The following JCAD variants were observed in gnomAD, a reference collection of about 807,000 sequenced individuals.
JCAD encodes the protein junctional cadherin 5 associated.
In JCAD, 40 loss-of-function variants were observed where a neutral mutation model predicts 98.0. The observed-to-expected ratio is 0.41, with a 90% CI of 0.32 to 0.53. JCAD has a LOEUF of 0.53. Ranked by LOEUF, JCAD falls within the 20% of genes least tolerant of loss-of-function variation. JCAD has a pLI of 0.31. For synonymous variants in JCAD, 691 were observed against 682.3 expected (o/e 1.01, Z -0.20); for missense variants, 1,705 against 1,738.1 (o/e 0.98, Z 0.34).
chr10:30,019,240 C>A (rs1836604505), intron 3 of JCAD, among the ~76,000 whole-genome samples: 1 of 151,586 alleles, frequency 6.6e-6, no homozygotes, highest in Admixed American at 6.6e-5. Context: ...GCCTGTAATC[C>A]CAGCTACTCG....
chr10:30,063,152 G>GAAAA (rs34177789), upstream of JCAD, among the ~76,000 whole-genome samples: 13 of 145,794 alleles, frequency 8.9e-5, no homozygotes, highest in Non-Finnish European at 6.0e-5. Context: ...TTAAACACAG[G>GAAAA]AAAAAAAAAA....
chr10:30,107,898 TA>T (rs1007443027), intron 1 of JCAD, among the ~76,000 whole-genome samples: 11 of 151,190 alleles, frequency 7.3e-5, no homozygotes, highest in African/African-American at 2.2e-4. Flanking sequence ...CCTTAAAACT[TA>T]AAAAAAAATG....
At chr10:30,061,265 G>T (rs1045039854), upstream of JCAD, among the ~76,000 whole-genome samples, 1 of 152,126 alleles carries the variant, frequency 6.6e-6, no homozygotes, top group Non-Finnish European at 1.5e-5. Context: ...AATGGTGGCC[G>T]GGCATGGTGA....
intron 2 of JCAD, among the ~76,000 whole-genome samples, chr10:30,039,197 C>A (rs1018142272): frequency 6.6e-6 from 1 of 152,210 alleles, no homozygotes; most frequent in Non-Finnish European, 1.5e-5. Flanking sequence ...GATAGAGGAC[C>A]CTGTCCCTCC....
Position 30,026,411 on chromosome 10 carries a change from T to C in JCAD, c.3737A>G (p.Lys1246Arg), listed in dbSNP as rs766702435. 6.2e-7 allele frequency: 1 copy of C among 1,614,218 alleles called. No homozygotes were observed. The highest frequency in any genetic ancestry group is 1.7e-5 in the Admixed American group (1 of 60,036). ...TGCTCTCCTAGGCGGGGAGGCCAGTTTCTCTTGTAAACTTTCAATCACTTT... is the reference window on the plus strand; with the variant it reads ...TGCTCTCCTAGGCGGGGAGGCCAGTCTCTCTTGTAAACTTTCAATCACTTT... ...PSKVIESLQE[K>R]LASPPRRADP... The change falls in exon 3 of 4, where the codon AAA (lysine) becomes AGA (arginine). Residue 1246 changes from lysine (K) to arginine (R), a missense_variant. Around this residue, in one of 3 missense-constraint regions of JCAD, gnomAD observed 1,278 missense variants for 1,243.1 expected, o/e 1.03. Coordinates refer to ENST00000375377, the MANE Select transcript of JCAD (RefSeq NM_020848.4).
rs370010682 is a variant in JCAD, at chr10:30,026,889, C to A, written c.3259G>T (p.Ala1087Ser). 6 of 1,613,948 alleles carry A rather than the reference C, an allele frequency of 3.7e-6. No individual in the cohort carries two copies. Among genetic ancestry groups the A allele is most frequent in the Non-Finnish European group, 4.2e-6 (5 of 1,179,990 alleles). Reference sequence around the variant, plus strand: ...GCCACCTCAATGCCCAGGATCCTTGCAGCCCTGGCTTGCAAGGACTCACCT... The same window carrying A: ...GCCACCTCAATGCCCAGGATCCTTGAAGCCCTGGCTTGCAAGGACTCACCT... ...PPGESLQARA[A>S]RILGIEVAVE... is the part of the protein sequence containing the mutation. Residue 1087 changes from alanine to serine, a missense_variant, in exon 3 of 4, where the codon GCA (alanine) becomes TCA (serine). Around this residue, in one of 3 missense-constraint regions of JCAD, gnomAD observed 1,278 missense variants for 1,243.1 expected, o/e 1.03. Transcript: ENST00000375377.
chr10:30,056,200 T>C (rs1020403735), intron 1 of JCAD, among the ~76,000 whole-genome samples: 2 of 152,198 alleles, frequency 1.3e-5, no homozygotes, highest in Non-Finnish European at 2.9e-5. Flanking sequence ...TATGTCAAGC[T>C]CCACATGTAA....
rs7920686 is a variant in JCAD at position 30,028,909 on chromosome 10, A to G, written c.1239T>C (p.Pro413=). 767,076 of 1,613,352 alleles carry G rather than the reference A, an allele frequency of 0.48. 188,989 individuals carry two copies. The highest frequency in any genetic ancestry group is 0.83 in the African/African-American group (61,953 of 74,810). Residue 413 remains proline, a synonymous_variant, in exon 3 of 4, where the codon CCT becomes CCC. Coordinates refer to ENST00000375377, the MANE Select transcript of JCAD (RefSeq NM_020848.4). Reference sequence around the variant, plus strand: ...GAACGAAGCCGTCATAGGCAGTGACAGGTCGGGGATGTGCGGGGAGCCCCT... The same window carrying G: ...GAACGAAGCCGTCATAGGCAGTGACGGGTCGGGGATGTGCGGGGAGCCCCT... ...LPQGLPAHPR[P]VTAYDGFVQY...
At position 30,028,258 on chromosome 10, in the gene JCAD, G is replaced by C. The variant is rs1313687417; in HGVS notation, c.1890C>G (p.Thr630=). ...QEQSLLSMSS[T]DLELQALTGS... ...CTGTGAGGGCCTGCAGCTCCAGGTC[G>C]GTGGAAGACATGCTCAGCAGACTCT... The change falls in exon 3 of 4, where the codon ACC becomes ACG. Residue 630 remains threonine, a synonymous_variant. Coordinates refer to ENST00000375377, the MANE Select transcript of JCAD (RefSeq NM_020848.4). The C allele has an allele frequency of 6.2e-7, 1 of 1,614,164 alleles. No individual in the cohort carries two copies.
At chr10:30,022,720 T>A (rs571114757) in intron 3 of JCAD, among the ~76,000 whole-genome samples, 1 of 152,300 alleles carries the variant, frequency 6.6e-6, no homozygotes, top group East Asian at 1.9e-4. Context: ...CAGAACAACA[T>A]CTTGGTCAAT....
At chr10:30,034,019 A>G (rs1837057611) in intron 2 of JCAD, among the ~76,000 whole-genome samples, 1 of 151,966 alleles carries the variant, frequency 6.6e-6, no homozygotes, top group Admixed American at 6.6e-5. Flanking sequence ...GGTCAGAAGT[A>G]TGAGACCAGC....
upstream of JCAD, among the ~76,000 whole-genome samples, chr10:30,061,161 G>T (rs1316532154): frequency 2.0e-5 from 3 of 152,152 alleles, no homozygotes; most frequent in African/African-American, 7.2e-5. Flanking sequence ...CAAAGTGGGG[G>T]TAATGATGGT....
intron 1 of JCAD, among the ~76,000 whole-genome samples, chr10:30,112,600 G>A (rs542959031): frequency 3.3e-5 from 5 of 152,072 alleles, no homozygotes; most frequent in South Asian, 4.2e-4. Context: ...GACTGGGCAC[G>A]GTGGCTCATG....
In JCAD at chr10:30,013,531, A is replaced by G. The variant is rs2132591659; in HGVS notation, c.*4352T>C. The G allele has an allele frequency of 6.6e-6, 1 of 152,318 alleles. No individual in the cohort carries two copies. Among genetic ancestry groups the G allele is most frequent in the African/African-American group, 2.4e-5 (1 of 41,556 alleles). 9.4% of individuals were successfully genotyped at this position (152,318 alleles called of 1,614,324 possible). ...ATGGTTTTCATTTCTGTTTGCTGCC[A>G]TATGCTTCTCAACTTGAACTTGCCT... is the stretch of plus-strand genomic sequence containing the variant. On this transcript the variant is annotated 3_prime_UTR_variant, in exon 4 of 4. Coordinates refer to ENST00000375377, the MANE Select transcript of JCAD (RefSeq NM_020848.4).
At position 30,016,643 on chromosome 10, in the gene JCAD, G is replaced by C. The variant is rs1367093745; in HGVS notation, c.*1240C>G. The C allele has an allele frequency of 6.6e-6, 1 of 151,112 alleles. No individual in the cohort carries two copies. Among genetic ancestry groups the C allele is most frequent in the Non-Finnish European group, 1.5e-5 (1 of 67,794 alleles). The allele number at this position is 151,112 out of a possible 1,614,324, so 9.4% of individuals were successfully genotyped here. A position where few individuals can be genotyped will look rare whatever the true frequency, so the allele number is the denominator to read the frequency against. ...TCAAGATCATTCTAGATAAAAATAC[G>C]TATTTCTTTAAAGGGGTGGGGTGGC... On this transcript the variant is annotated 3_prime_UTR_variant, in exon 4 of 4. Coordinates refer to ENST00000375377, the MANE Select transcript of JCAD (RefSeq NM_020848.4).
At chr10:30,065,085 T>A (rs1837761306) in intron 2 of JCAD, among the ~76,000 whole-genome samples, 1 of 152,218 alleles carries the variant, frequency 6.6e-6, no homozygotes, top group Non-Finnish European at 1.5e-5. Context: ...AGAGAGTATA[T>A]TGGTGGGTAC....
At chr10:30,092,887 G>C (rs1838307978) in intron 1 of JCAD, among the ~76,000 whole-genome samples, 1 of 152,008 alleles carries the variant, frequency 6.6e-6, no homozygotes, top group Non-Finnish European at 1.5e-5. Flanking sequence ...TTTTCTGCTT[G>C]GTACCTCTGG....
At chr10:30,036,352 G>A (rs1837108993) in intron 2 of JCAD, among the ~76,000 whole-genome samples, 1 of 152,108 alleles carries the variant, frequency 6.6e-6, no homozygotes, top group African/African-American at 2.4e-5. Context: ...GGGAAACCGA[G>A]GCAGGAGAAT....
At chr10:30,108,436 A>G (rs1838626679) in intron 1 of JCAD, among the ~76,000 whole-genome samples, 1 of 152,158 alleles carries the variant, frequency 6.6e-6, no homozygotes, top group Non-Finnish European at 1.5e-5. Context: ...AGGCATCCAC[A>G]TAGCCTTGAG....
Sources: allele counts gnomAD v4.1 joint callset (sites outside exome capture counted in the v4.1 genomes callset), GRCh38; gene constraint gnomAD v4.1.1; regional missense constraint gnomAD v4.1.1; transcripts MANE v1.5; gene names NCBI Gene and HGNC (gene_info 2026-07-23, HGNC 2026-07-21).